The following USP53 variants were observed in gnomAD, a reference collection of about 807,000 sequenced individuals.
The protein encoded by USP53 is ubiquitin carboxyl-terminal hydrolase 53.
USP53 carries 71 observed loss-of-function variants against 94.9 expected under a neutral mutation model. The observed-to-expected ratio is 0.75, with a 90% confidence interval of 0.62 to 0.91. USP53 has a LOEUF of 0.91. Among genes scored for constraint, USP53 ranks in the 40% least tolerant of loss-of-function variants. USP53 has a pLI of 0.00. For missense variants in USP53, 1,173 were observed against 1,281.0 expected (o/e 0.92, Z 1.29); for synonymous variants, 375 against 422.7 (o/e 0.89, Z 1.39).
chr4:119,269,050 A>T (rs1751521304), intron 14 of USP53, among the ~76,000 whole-genome samples: 1 of 152,220 alleles, frequency 6.6e-6, no homozygotes, highest in Non-Finnish European at 1.5e-5. Flanking sequence ...CATTTAATCA[A>T]GGGTAGTAAG....
chr4:119,254,745 C>T (rs112255415), intron 7 of USP53, among the ~76,000 whole-genome samples: 30 of 152,238 alleles, frequency 2.0e-4, no homozygotes, highest in Non-Finnish European at 3.4e-4. Context: ...ACTCGTTCTC[C>T]GACCAGTTTT....
At chr4:119,270,929 CTGTT>C (rs35009727) in intron 15 of USP53, among the ~76,000 whole-genome samples, 32,777 of 151,996 alleles carry the variant, frequency 0.22, 4,007 homozygotes, top group South Asian at 0.32. Context: ...GATTGGATGT[CTGTT>C]TGTTCACACT....
rs147096429 is a variant in USP53 at position 119,222,276 on chromosome 4, A to G, written c.-665+4603A>G. The stretch of plus-strand genomic sequence containing the variant: ...TCAAATCAGGGTTGTTGGGATGTCC[A>G]TCGCCTTAAGCGTTTGTTTCTTTGA... On this transcript the variant is annotated intron_variant, in intron 3 of 18. Transcript: ENST00000692078. Among the ~76,000 whole-genome samples, 909 of 152,304 alleles carry G rather than the reference A, an allele frequency of 6.0e-3. 7 individuals are homozygous for G. The highest frequency in any genetic ancestry group is 0.01 in the Middle Eastern group (3 of 294).
chr4:119,265,327 T>C (rs964131481), intron 12 of USP53, among the ~76,000 whole-genome samples: 16 of 152,264 alleles, frequency 1.1e-4, no homozygotes, highest in Admixed American at 9.8e-4. Context: ...AGGAGTTTAT[T>C]AAGTTTCATC....
intron 3 of USP53, among the ~76,000 whole-genome samples, chr4:119,227,392 A>G (rs1745437495): frequency 6.6e-6 from 1 of 151,954 alleles, no homozygotes; most frequent in Non-Finnish European, 1.5e-5. Flanking sequence ...TAATCCCAGC[A>G]CTTTGGGAGG....
intron 3 of USP53, among the ~76,000 whole-genome samples, chr4:119,232,356 T>C (rs918059229): frequency 6.6e-6 from 1 of 152,176 alleles, no homozygotes; most frequent in African/African-American, 2.4e-5. Flanking sequence ...GATTTCCTAG[T>C]TGTGGACATT....
At chr4:119,236,427 A>T (rs1469908234) in intron 4 of USP53, among the ~76,000 whole-genome samples, 1 of 152,222 alleles carries the variant, frequency 6.6e-6, no homozygotes, top group African/African-American at 2.4e-5. Flanking sequence ...AAATAAGGCA[A>T]CAATGAAGTT....
At chr4:119,280,347 G>T (rs1307314955) in intron 17 of USP53, among the ~76,000 whole-genome samples, 2 of 151,888 alleles carry the variant, frequency 1.3e-5, no homozygotes, top group Non-Finnish European at 1.5e-5. Context: ...AGGAGTATCT[G>T]TCTATGGTGG....
At position 119,294,388 on chromosome 4, in the gene USP53, T is replaced by C. The variant is rs1467294494; in HGVS notation, c.*1177T>C. The C allele has an allele frequency of 1.3e-5, 2 of 152,114 alleles. No individual in the cohort carries two copies. Among genetic ancestry groups the C allele is most frequent in the East Asian group, 3.8e-4 (2 of 5,204 alleles). 9.4% of individuals were successfully genotyped at this position (152,114 alleles called of 1,614,324 possible). ...CAAATAGTAATTTTACCCCAACTACTTTTCATGAAGAGTGCTTTGAAAATT... is the reference window on the plus strand; with the variant it reads ...CAAATAGTAATTTTACCCCAACTACCTTTCATGAAGAGTGCTTTGAAAATT... On this transcript the variant is annotated 3_prime_UTR_variant, in exon 19 of 19. Coordinates refer to ENST00000692078, the MANE Select transcript of USP53 (RefSeq NM_001371395.1).
intron 17 of USP53, 138 bp from the exon 18 acceptor site, chr4:119,291,026 AT>A: frequency 1.9e-6 from 1 of 517,044 alleles, no homozygotes; most frequent in East Asian, 3.3e-5. Context: ...TAAAGAATTC[AT>A]TTTTTTAAAT....
chr4:119,234,896 AAC>A, intron 3 of USP53, among the ~76,000 whole-genome samples: 1 of 152,290 alleles, frequency 6.6e-6, no homozygotes, highest in Middle Eastern at 3.4e-3. Context: ...GCATCCCACA[AAC>A]ACTGTATTTT....
At chr4:119,266,864 T>C (rs1751192928) in intron 12 of USP53, among the ~76,000 whole-genome samples, 1 of 152,162 alleles carries the variant, frequency 6.6e-6, no homozygotes, top group South Asian at 2.1e-4. Flanking sequence ...CTCTTTTGTT[T>C]TCTTCTGTAA....
intron 5 of USP53, 55 bp from the exon 6 acceptor site, chr4:119,245,282 T>A (rs1748073907): frequency 6.5e-7 from 1 of 1,544,826 alleles, no homozygotes; most frequent in African/African-American, 1.4e-5. Flanking sequence ...TGTCTTTTGT[T>A]ACAGTAAGAA....
rs1242595576 is a variant in USP53, at chr4:119,274,457, A to G, written c.2251+749A>G. ...ATTTTTTATGGCTGCATAGTATTCC[A>G]TGGTGTATATGTGCCACATTTTCTT... On this transcript the variant is annotated intron_variant, in intron 17 of 18. Transcript: ENST00000692078. Among the ~76,000 whole-genome samples, 7 of 152,132 alleles carry G rather than the reference A, an allele frequency of 4.6e-5. No homozygotes were observed. In the East Asian group the frequency reaches 1.2e-3, roughly 25 times the overall value.
At chr4:119,240,066 G>T (rs529469865) in intron 5 of USP53, among the ~76,000 whole-genome samples, 163 bp downstream of exon 5, 8 of 152,012 alleles carry the variant, frequency 5.3e-5, no homozygotes, top group African/African-American at 1.4e-4. Context: ...GGTCATTTTG[G>T]TTTTTATAAT....
At chr4:119,286,797 A>G (rs372962556) in intron 17 of USP53, among the ~76,000 whole-genome samples, 1 of 152,012 alleles carries the variant, frequency 6.6e-6, no homozygotes, top group African/African-American at 2.4e-5. Context: ...CAAATTATTG[A>G]AGTTCTTTTT....
chr4:119,239,923 T>C lies in USP53; in HGVS notation c.144+20T>C. On this transcript the variant is annotated intron_variant, in intron 5 of 18. Transcript: ENST00000692078. ...GTACAGGTGAGACCATAATTACTTA[T>C]TACATTAAAAAAAATACTTTTCAGA... 1 of 1,411,746 alleles carries C rather than the reference T, an allele frequency of 7.1e-7. No individual in the cohort carries two copies. The highest frequency in any genetic ancestry group is 1.8e-5 in the South Asian group (1 of 54,738). 87.5% of individuals were successfully genotyped at this position (1,411,746 alleles called of 1,614,324 possible).
At chr4:119,288,558 TA>T (rs1306110427) in intron 17 of USP53, among the ~76,000 whole-genome samples, 2 of 152,198 alleles carry the variant, frequency 1.3e-5, no homozygotes, top group African/African-American at 4.8e-5. Context: ...TCCATTACAT[TA>T]AAATACATCA....
intron 17 of USP53, among the ~76,000 whole-genome samples, chr4:119,274,095 ATTTAT>A (rs1336685072): frequency 1.0e-5 from 1 of 99,248 alleles, no homozygotes; most frequent in Non-Finnish European, 2.2e-5. Context: ...TTTTTTATTT[ATTTAT>A]TTATTTTTTT....
Sources: allele counts gnomAD v4.1 joint callset (sites outside exome capture counted in the v4.1 genomes callset), GRCh38; gene constraint gnomAD v4.1.1; transcripts MANE v1.5; gene names NCBI Gene and HGNC (gene_info 2026-07-23, HGNC 2026-07-21).